Variants in FRMD4A observed in about 807,000 individuals in gnomAD.
The protein encoded by FRMD4A is FERM domain containing 4A.
In FRMD4A, 29 loss-of-function variants were observed where a neutral mutation model predicts 129.1. The ratio of observed to expected loss-of-function variants is 0.22; its 90% CI spans 0.17 to 0.31. FRMD4A has a LOEUF of 0.31. FRMD4A is among the 10% of genes least tolerant of loss of function. The pLI is 1.00. For missense variants in FRMD4A, 1,272 were observed against 1,375.8 expected (o/e 0.92, Z 1.19); for synonymous variants, 634 against 571.6 (o/e 1.11, Z -1.56).
chr10:13,747,589 G>C (rs2091356574), intron 9 of FRMD4A, 147 bp downstream of exon 9: 1 of 399,584 alleles, frequency 2.5e-6, no homozygotes, highest in South Asian at 1.0e-4. Context: ...TGCAGAAAAT[G>C]GTTTCAGGAA....
At chr10:13,841,489 A>C (rs1370053882) in intron 3 of FRMD4A, among the ~76,000 whole-genome samples, 1 of 150,560 alleles carries the variant, frequency 6.6e-6, no homozygotes, top group East Asian at 2.0e-4. Flanking sequence ...AGGGAGGAGA[A>C]GGAGACTGAA....
At position 13,865,653 on chromosome 10, in the gene FRMD4A, G is replaced by A. The variant is rs117174065; in HGVS notation, c.46-6741C>T. On this transcript the variant is annotated intron_variant, in intron 2 of 24. Coordinates refer to ENST00000357447, the MANE Select transcript of FRMD4A (RefSeq NM_018027.5). ...TTTTTGTAGAGACACGTCTCACTAT[G>A]TAAATTCTTGGACTCCAGTGACCCT... Among the ~76,000 whole-genome samples the A allele has an allele frequency of 2.9e-4, 44 of 151,276 alleles. No homozygotes were observed. The East Asian group carries it at 7.7e-3, about 27-fold the overall frequency.
chr10:14,050,850 A>G (rs968408806), intron 2 of FRMD4A, among the ~76,000 whole-genome samples: 2 of 152,164 alleles, frequency 1.3e-5, no homozygotes, highest in Non-Finnish European at 2.9e-5. Context: ...TGCCCAGTGC[A>G]CCTCTTCCAT....
At chr10:13,975,613 CTA>C (rs1307465879) in intron 2 of FRMD4A, among the ~76,000 whole-genome samples, 3 of 150,078 alleles carry the variant, frequency 2.0e-5, no homozygotes, top group Non-Finnish European at 3.0e-5. Context: ...TCGTGTGTGT[CTA>C]TGTGTGTGTC....
chr10:13,701,614 C>A, intron 13 of FRMD4A, 136 bp from the exon 14 acceptor site: 1 of 707,004 alleles, frequency 1.4e-6, no homozygotes, highest in Non-Finnish European at 2.4e-6. Context: ...CTCACATACA[C>A]CTAGGCGTAC....
At chr10:14,076,535 G>C (rs1287503886) in intron 2 of FRMD4A, among the ~76,000 whole-genome samples, 1 of 152,108 alleles carries the variant, frequency 6.6e-6, no homozygotes, top group African/African-American at 2.4e-5. Flanking sequence ...AGCTACTCGG[G>C]AGGCTGAGGC....
At chr10:13,647,822 A>G (rs963450238) in intron 24 of FRMD4A, 23 of 151,464 alleles carry the variant, frequency 1.5e-4, no homozygotes, top group Admixed American at 8.6e-4. Context: ...AATCATAGAT[A>G]TGTGGAAGCC....
At chr10:13,660,635 C>G (rs759571276) in intron 19 of FRMD4A, 82 bp from the exon 20 acceptor site, 23 of 826,784 alleles carry the variant, frequency 2.8e-5, no homozygotes, top group Non-Finnish European at 4.3e-5. Context: ...CCCCTCCACC[C>G]GCACCTTGGA....
intron 16 of FRMD4A, among the ~76,000 whole-genome samples, chr10:13,674,162 C>A (rs7087053): frequency 1.3e-5 from 2 of 152,014 alleles, no homozygotes; most frequent in Admixed American, 6.6e-5. Flanking sequence ...TGACTATATA[C>A]CAAGTGAGAT....
chr10:14,285,405 G>A (rs1050145331), intron 2 of FRMD4A, among the ~76,000 whole-genome samples: 1 of 152,202 alleles, frequency 6.6e-6, no homozygotes, highest in African/African-American at 2.4e-5. Flanking sequence ...GTTCAACTGG[G>A]GCACCACTGG....
In FRMD4A at chr10:13,660,543, C is replaced by T. The variant is rs771798152; in HGVS notation, c.1671G>A (p.Gln557=). Reference sequence around the variant, plus strand: ...GTAGGGGGGATATTGTGCTGGTAACCTGAGAGTCTTCTGCACAAAGACAGG... The same window carrying T: ...GTAGGGGGGATATTGTGCTGGTAACTTGAGAGTCTTCTGCACAAAGACAGG... ...DALVLEDEDS[Q]VTSTISPLHS... is the part of the protein sequence containing the mutation. The change falls in exon 20 of 25, where the codon CAG becomes CAA. Residue 557 remains glutamine, a synonymous_variant. Coordinates refer to ENST00000357447, the MANE Select transcript of FRMD4A (RefSeq NM_018027.5). 5.0e-6 allele frequency: 8 copies of T among 1,599,228 alleles called. No individual in the cohort carries two copies. In the South Asian group the frequency reaches 5.5e-5, roughly 11 times the overall value.
chr10:13,804,618 A>G (rs941520435), intron 4 of FRMD4A, among the ~76,000 whole-genome samples: 3 of 151,378 alleles, frequency 2.0e-5, no homozygotes, highest in Non-Finnish European at 4.4e-5. Context: ...ATCTTGGCTC[A>G]CTGCAATCTC....
At chr10:14,004,966 A>G (rs1160584624) in intron 2 of FRMD4A, among the ~76,000 whole-genome samples, 1 of 151,748 alleles carries the variant, frequency 6.6e-6, no homozygotes, top group Non-Finnish European at 1.5e-5. Flanking sequence ...TAAACTTTAC[A>G]GGCCTAATCT....
At chr10:13,662,355 T>C (rs1436176072) in intron 19 of FRMD4A, among the ~76,000 whole-genome samples, 1 of 152,214 alleles carries the variant, frequency 6.6e-6, no homozygotes, top group Admixed American at 6.5e-5. Context: ...TTATTATTAT[T>C]GCAATTATCA....
At chr10:13,798,397 G>C (rs1259471940) in intron 4 of FRMD4A, among the ~76,000 whole-genome samples, 1 of 151,698 alleles carries the variant, frequency 6.6e-6, no homozygotes, top group African/African-American at 2.4e-5. Context: ...AGGCGACAGA[G>C]ACTCTGTCTC....
chr10:13,794,745 T>A (rs986412789), intron 5 of FRMD4A, among the ~76,000 whole-genome samples: 2 of 152,214 alleles, frequency 1.3e-5, no homozygotes, highest in African/African-American at 4.8e-5. Context: ...TCTTTGAGGT[T>A]CTTGCTTTGG....
chr10:14,067,734 T>A (rs1014017410), intron 2 of FRMD4A, among the ~76,000 whole-genome samples: 1 of 152,188 alleles, frequency 6.6e-6, no homozygotes, highest in South Asian at 2.1e-4. Context: ...GAAGAATTCC[T>A]TGAACCTGGG....
intron 8 of FRMD4A, among the ~76,000 whole-genome samples, chr10:13,757,254 T>C (rs995174269): frequency 6.6e-6 from 1 of 152,254 alleles, no homozygotes; most frequent in South Asian, 2.1e-4. Context: ...GACTTCCTGA[T>C]TGTCGACAGA....
chr10:14,079,453 C>G (rs1026637444), intron 2 of FRMD4A, among the ~76,000 whole-genome samples: 2 of 152,132 alleles, frequency 1.3e-5, no homozygotes, highest in African/African-American at 2.4e-5. Context: ...CAAAAATGAC[C>G]GAAGTGTTTT....
Sources: gnomAD v4.1 joint callset for allele counts (sites outside exome capture counted in the v4.1 genomes callset) on GRCh38, gnomAD v4.1.1 for gene constraint, MANE v1.5 for transcripts, NCBI Gene and HGNC (gene_info 2026-07-23, HGNC 2026-07-21) for gene names.